Variants in RAB11FIP4 observed in about 807,000 individuals in gnomAD.
RAB11FIP4 encodes the protein rab11 family-interacting protein 4.
RAB11FIP4 carries 23 observed loss-of-function variants against 74.3 expected under a neutral mutation model. The ratio of observed to expected loss-of-function variants is 0.31; its 90% CI spans 0.22 to 0.44. The LOEUF is 0.44. RAB11FIP4 is among the 20% of genes least tolerant of loss of function. The probability of loss-of-function intolerance (pLI) is 1.00; values close to 1 mark genes in which losing one functional copy is unlikely to be tolerated. For synonymous variants in RAB11FIP4, 360 were observed against 359.9 expected, an observed-to-expected ratio of 1.00 and a Z score of 0.00; for missense variants, 630 against 863.9, an observed-to-expected ratio of 0.73 and a Z score of 3.39.
chr17:31,489,153 G>A (rs1025620281), intron 3 of RAB11FIP4, among the ~76,000 whole-genome samples: 1 of 152,210 alleles, frequency 6.6e-6, no homozygotes, highest in Non-Finnish European at 1.5e-5. Flanking sequence ...GCCTCCACCA[G>A]GTCTTGGAGT....
chr17:31,424,851 A>G (rs1352093320), intron 1 of RAB11FIP4, among the ~76,000 whole-genome samples: 1 of 152,174 alleles, frequency 6.6e-6, no homozygotes, highest in Non-Finnish European at 1.5e-5. Context: ...TGCTGGGATT[A>G]CAGGTATGAG....
chr17:31,511,025 TTTTTGTTTTG>T (rs950041534), intron 3 of RAB11FIP4, among the ~76,000 whole-genome samples: 1 of 151,800 alleles, frequency 6.6e-6, no homozygotes, highest in African/African-American at 2.4e-5. Flanking sequence ...TGTTTTTGTG[TTTTTGTTTTG>T]TTTTGTTTTG....
intron 3 of RAB11FIP4, among the ~76,000 whole-genome samples, chr17:31,458,673 T>C (rs1358379511): frequency 6.6e-6 from 1 of 152,192 alleles, no homozygotes; most frequent in East Asian, 1.9e-4. Context: ...CATGTGCACC[T>C]CTGGGCCTCC....
chr17:31,452,554 G>A (rs533639824), intron 3 of RAB11FIP4, among the ~76,000 whole-genome samples: 73 of 152,308 alleles, frequency 4.8e-4, no homozygotes, highest in African/African-American at 1.5e-3. Flanking sequence ...CATCAGCAAT[G>A]GTGGTGCTGC....
chr17:31,504,621 TTAGACTAAA>T (rs1473468290), intron 3 of RAB11FIP4, among the ~76,000 whole-genome samples: 1 of 152,122 alleles, frequency 6.6e-6, no homozygotes, highest in East Asian at 1.9e-4. Flanking sequence ...TGAAAAGAAA[TTAGACTAAA>T]TATTATCAAA....
At chr17:31,476,583 G>C (rs1342330630) in intron 3 of RAB11FIP4, among the ~76,000 whole-genome samples, 1 of 152,222 alleles carries the variant, frequency 6.6e-6, no homozygotes, top group East Asian at 1.9e-4. Flanking sequence ...TGAAACCTGG[G>C]CTGGTGGGGC....
At chr17:31,426,298 G>A (rs560102507) in intron 1 of RAB11FIP4, among the ~76,000 whole-genome samples, 160 of 152,280 alleles carry the variant, frequency 1.1e-3, no homozygotes, top group African/African-American at 3.6e-3. Flanking sequence ...GAAAATAAAA[G>A]GGGAGCGTTA....
rs143044506 is a variant in RAB11FIP4, at chr17:31,427,106, C to T, written c.160-4707C>T. Among the ~76,000 whole-genome samples the T allele has an allele frequency of 4.0e-3, 607 of 152,290 alleles. 1 individual carries two copies. The highest frequency in any genetic ancestry group is 5.6e-3 in the Non-Finnish European group (380 of 68,026). On this transcript the variant is annotated intron_variant, in intron 1 of 14. Coordinates refer to ENST00000621161, the MANE Select transcript of RAB11FIP4 (RefSeq NM_032932.6). ...CCCTGAGTAGCTGGGACTACAGGTA[C>T]ACATGACCACGCCTGGCTAATTTTT...
chr17:31,440,873 G>A (rs2071401315), intron 3 of RAB11FIP4, among the ~76,000 whole-genome samples: 1 of 152,100 alleles, frequency 6.6e-6, no homozygotes, highest in African/African-American at 2.4e-5. Context: ...AAATCCTGTA[G>A]GAGATCATAT....
intron 3 of RAB11FIP4, among the ~76,000 whole-genome samples, chr17:31,510,227 C>T (rs1386808673): frequency 1.3e-5 from 2 of 152,218 alleles, no homozygotes; most frequent in African/African-American, 2.4e-5. Context: ...GGAAGGACCC[C>T]GTGAGACCTT....
rs58083480 is a variant in RAB11FIP4, at chr17:31,464,749, C to CTTTTTTTTTTTT, written c.336+30645_336+30656dup. ...TACAGGCATGAGCCACTGTGCCCGG[C>CTTTTTTTTTTTT]TTTTTTTTTTTTTTTTTTTTTTTTT... On this transcript the variant is annotated intron_variant, in intron 3 of 14. Transcript: ENST00000621161. Among the ~76,000 whole-genome samples the CTTTTTTTTTTTT allele has an allele frequency of 1.0e-4, 4 of 39,642 alleles. 1 individual carries two copies. The highest frequency in any genetic ancestry group is 1.7e-4 in the Non-Finnish European group (4 of 23,758). The allele number at this position is 39,642 out of a possible 152,430, so 26.0% of individuals were successfully genotyped here. A position where few individuals can be genotyped will look rare whatever the true frequency, so the allele number is the denominator to read the frequency against.
At chr17:31,510,530 G>A (rs1437495921) in intron 3 of RAB11FIP4, among the ~76,000 whole-genome samples, 2 of 152,248 alleles carry the variant, frequency 1.3e-5, no homozygotes, top group Non-Finnish European at 2.9e-5. Context: ...CGTTGCCAGG[G>A]CTGGGGGTGG....
chr17:31,495,009 A>G (rs1005548558), intron 3 of RAB11FIP4, among the ~76,000 whole-genome samples: 5 of 152,192 alleles, frequency 3.3e-5, no homozygotes, highest in Admixed American at 1.3e-4. Context: ...GGCCCTCCAC[A>G]CCTCGGCCCA....
chr17:31,502,849 G>T (rs2072247883), intron 3 of RAB11FIP4, among the ~76,000 whole-genome samples: 1 of 152,116 alleles, frequency 6.6e-6, no homozygotes, highest in Admixed American at 6.5e-5. Flanking sequence ...GTGTCAGCAG[G>T]CTTGGTTTCT....
intron 1 of RAB11FIP4, among the ~76,000 whole-genome samples, chr17:31,421,987 C>T (rs1365642894): frequency 6.6e-6 from 1 of 152,146 alleles, no homozygotes; most frequent in African/African-American, 2.4e-5. Flanking sequence ...CGAGACCAGC[C>T]TGGGCAACAT....
At chr17:31,450,818 T>TGGCGCACCCTGTGGC (rs1469018705) in intron 3 of RAB11FIP4, among the ~76,000 whole-genome samples, 3 of 152,054 alleles carry the variant, frequency 2.0e-5, no homozygotes, top group African/African-American at 7.3e-5. Flanking sequence ...CCTCTGCATT[T>TGGCGCACCCTGTGGC]CCACCATGTT....
chr17:31,470,822 C>T (rs949076902), intron 3 of RAB11FIP4, among the ~76,000 whole-genome samples: 2 of 152,204 alleles, frequency 1.3e-5, no homozygotes, highest in African/African-American at 4.8e-5. Context: ...CTATAAACTC[C>T]TGGCAGGAGG....
chr17:31,497,735 G>T (rs2072144041), intron 3 of RAB11FIP4, among the ~76,000 whole-genome samples: 1 of 152,180 alleles, frequency 6.6e-6, no homozygotes, highest in Non-Finnish European at 1.5e-5. Context: ...GCCACATGGG[G>T]ATGTCTGGGT....
chr17:31,530,213 C>T, intron 13 of RAB11FIP4, 113 bp from the exon 14 acceptor site: 3 of 1,373,778 alleles, frequency 2.2e-6, no homozygotes, highest in South Asian at 1.3e-5. Context: ...GTGACACACA[C>T]CTGTGGGAAT....
Sources: gnomAD v4.1 joint callset for allele counts (sites outside exome capture counted in the v4.1 genomes callset) on GRCh38, gnomAD v4.1.1 for gene constraint, MANE v1.5 for transcripts, NCBI Gene and HGNC (gene_info 2026-07-23, HGNC 2026-07-21) for gene names.